The following TRMT9B variants were observed in gnomAD, a reference collection of about 807,000 sequenced individuals.
The protein encoded by TRMT9B is probable tRNA methyltransferase 9B.
A neutral mutation model predicts 11.5 loss-of-function variants in TRMT9B; 16 were observed. The observed-to-expected ratio is 1.39, with a 90% CI of 0.94 to 2.11. The LOEUF (loss-of-function observed/expected upper bound fraction) is 2.11. Among genes scored for constraint, TRMT9B ranks in the 30% most tolerant of loss-of-function variants. The pLI is 0.00. For synonymous variants in TRMT9B, 274 were observed against 192.4 expected (o/e 1.42, Z -3.51); for missense variants, 941 against 553.8 (o/e 1.70, Z -7.02).
chr8:12,972,619 A>C (rs909638267), intron 1 of TRMT9B, among the ~76,000 whole-genome samples: 1 of 152,030 alleles, frequency 6.6e-6, no homozygotes, highest in African/African-American at 2.4e-5. Context: ...CACTTAGTAA[A>C]CTAGCAGTGC....
intron 1 of TRMT9B, among the ~76,000 whole-genome samples, chr8:12,972,389 G>A (rs1803771427): frequency 6.6e-6 from 1 of 152,170 alleles, no homozygotes; most frequent in Non-Finnish European, 1.5e-5. Flanking sequence ...AGACTTGCTT[G>A]TGGGCGAGGT....
At chr8:12,963,173 C>G (rs1802360882) in intron 1 of TRMT9B, among the ~76,000 whole-genome samples, 1 of 152,190 alleles carries the variant, frequency 6.6e-6, no homozygotes. Context: ...GTGGCTCACT[C>G]CTGTAATCCC....
chr8:13,005,342 A>T (rs146372302), intron 2 of TRMT9B, among the ~76,000 whole-genome samples: 18 of 152,296 alleles, frequency 1.2e-4, no homozygotes, highest in African/African-American at 4.1e-4. Flanking sequence ...GGGTACAAAA[A>T]ACAGAATAAG....
In TRMT9B at chr8:13,018,842, A is replaced by G. The variant is rs1813292490; in HGVS notation, c.329-2166A>G. On this transcript the variant is annotated intron_variant, in intron 4 of 4. Transcript: ENST00000524591. ...CATCACAGTCTTCCAAGGCTTAGAA[A>G]CACTAAATAATACCTCAACACTATG... 2.0e-5 allele frequency among the ~76,000 whole-genome samples: 3 copies of G among 147,128 alleles called. No homozygotes were observed. In the South Asian group the frequency reaches 6.4e-4, roughly 31 times the overall value.
At chr8:12,961,007 G>T (rs938757758) in intron 1 of TRMT9B, among the ~76,000 whole-genome samples, 1 of 152,134 alleles carries the variant, frequency 6.6e-6, no homozygotes, top group Admixed American at 6.5e-5. Flanking sequence ...TGGGCGTGAT[G>T]GTGCGTGCCT....
At chr8:12,955,723 A>G (rs1393209994) in intron 1 of TRMT9B, among the ~76,000 whole-genome samples, 1 of 152,154 alleles carries the variant, frequency 6.6e-6, no homozygotes, top group Non-Finnish European at 1.5e-5. Context: ...AAACTATCCT[A>G]ACTATTTCGA....
At chr8:12,953,137 C>G (rs966291922) in intron 1 of TRMT9B, among the ~76,000 whole-genome samples, 7 of 152,110 alleles carry the variant, frequency 4.6e-5, no homozygotes, top group African/African-American at 9.7e-5. Context: ...ACTTGCAGAG[C>G]TTTATGTTAG....
At chr8:13,006,075 A>T in intron 2 of TRMT9B, 127 bp from the exon 3 acceptor site, 1 of 823,018 alleles carries the variant, frequency 1.2e-6, no homozygotes, top group Non-Finnish European at 1.9e-6. Context: ...GCAGCTTATA[A>T]GAAAGTGTGC....
At chr8:12,986,576 T>C (rs959822458) in intron 1 of TRMT9B, among the ~76,000 whole-genome samples, 11 of 152,358 alleles carry the variant, frequency 7.2e-5, no homozygotes, top group Admixed American at 2.6e-4. Flanking sequence ...ACATCTTAAG[T>C]AAACTAATTT....
At position 13,021,223 on chromosome 8, in the gene TRMT9B, G is replaced by A. The variant is rs201745937; in HGVS notation, c.544G>A (p.Gly182Arg). The change falls in exon 5 of 5, where the codon GGA becomes AGA. Residue 182 changes from glycine (G) to arginine (R), a missense_variant. Coordinates refer to ENST00000524591, the MANE Select transcript of TRMT9B (RefSeq NM_020844.3). ...SSQSGRKRQC[G>R]YPERGHPYHP... is the part of the protein sequence containing the mutation. ...CCAGTCTGGGAGGAAGAGGCAGTGT[G>A]GATACCCAGAAAGAGGCCATCCCTA... 7.4e-5 allele frequency: 119 copies of A among 1,613,852 alleles called. 1 individual carries two copies. In the African/African-American group the frequency reaches 1.3e-3, roughly 17 times the overall value.
chr8:13,016,632 T>C (rs972338940), intron 4 of TRMT9B, among the ~76,000 whole-genome samples: 11 of 151,654 alleles, frequency 7.3e-5, no homozygotes, highest in Non-Finnish European at 1.6e-4. Context: ...AAAGAAATAT[T>C]GTTGTACTTA....
At chr8:13,018,412 A>G (rs1481153140) in intron 4 of TRMT9B, among the ~76,000 whole-genome samples, 4 of 139,108 alleles carry the variant, frequency 2.9e-5, no homozygotes, top group Non-Finnish European at 6.3e-5. Context: ...AAAAAAAACG[A>G]CAACAAAGAA....
intron 3 of TRMT9B, chr8:13,010,456 G>C: frequency 1.0e-6 from 1 of 985,042 alleles, no homozygotes; most frequent in Non-Finnish European, 1.2e-6. Context: ...CTTAGCTAAA[G>C]TCATCAGCTG....
chr8:13,011,838 C>T (rs2128894324), intron 3 of TRMT9B: 1 of 967,540 alleles, frequency 1.0e-6, no homozygotes, highest in Non-Finnish European at 1.2e-6. Context: ...TGGATAAAAA[C>T]AATGTTAAAA....
At chr8:12,952,387 C>T (rs1800745406) in intron 1 of TRMT9B, 2 of 307,838 alleles carry the variant, frequency 6.5e-6, no homozygotes, top group Middle Eastern at 6.6e-4. Flanking sequence ...CCTGCCTTTC[C>T]AGTAGCCCGG....
At chr8:12,964,484 A>G (rs1802556190) in intron 1 of TRMT9B, among the ~76,000 whole-genome samples, 1 of 152,110 alleles carries the variant, frequency 6.6e-6, no homozygotes, top group Admixed American at 6.5e-5. Flanking sequence ...TTTGTTTTTT[A>G]CTTTTAAAGC....
rs1810500336 is a variant in TRMT9B, at chr8:13,006,486, G to A, written c.154+130G>A. The A allele has an allele frequency of 2.6e-6, 4 of 1,523,850 alleles. No individual in the cohort carries two copies. The South Asian group carries it at 5.2e-5, about 20-fold the overall frequency. The allele number at this position is 1,523,850 out of a possible 1,614,324, so 94.4% of individuals were successfully genotyped here. A position where few individuals can be genotyped will look rare whatever the true frequency, so the allele number is the denominator to read the frequency against. On this transcript the variant is annotated intron_variant, in intron 3 of 4. Coordinates refer to ENST00000524591, the MANE Select transcript of TRMT9B (RefSeq NM_020844.3). The stretch of plus-strand genomic sequence containing the variant: ...TTGCTGTCATAGGTAACCCAGCACT[G>A]GGCCGTGTAGCATGAAATACCTTCC...
chr8:13,024,070 G>C lies in TRMT9B; in HGVS notation c.*2026G>C, dbSNP rs1484131181. On this transcript the variant is annotated 3_prime_UTR_variant, in exon 5 of 5. Coordinates refer to ENST00000524591, the MANE Select transcript of TRMT9B (RefSeq NM_020844.3). Reference sequence around the variant, plus strand: ...TTTTTTTTTTTTTTTTTGAGACAGAGTCTCGCTCTGTCGCCCAGGCTGGAG... The same window carrying C: ...TTTTTTTTTTTTTTTTTGAGACAGACTCTCGCTCTGTCGCCCAGGCTGGAG... 8.4e-6 allele frequency: 1 copy of C among 119,224 alleles called. No homozygotes were observed. The highest frequency in any genetic ancestry group is 3.1e-5 in the African/African-American group (1 of 31,754). The allele number at this position is 119,224 out of a possible 1,614,324, so 7.4% of individuals were successfully genotyped here. A position where few individuals can be genotyped will look rare whatever the true frequency, so the allele number is the denominator to read the frequency against.
intron 1 of TRMT9B, among the ~76,000 whole-genome samples, chr8:12,969,140 G>C (rs533597204): frequency 6.6e-6 from 1 of 152,164 alleles, no homozygotes; most frequent in Non-Finnish European, 1.5e-5. Flanking sequence ...TTGGAAGGTG[G>C]AGATTGCAGT....
Sources: allele counts gnomAD v4.1 joint callset (sites outside exome capture counted in the v4.1 genomes callset), GRCh38; gene constraint gnomAD v4.1.1; transcripts MANE v1.5; gene names NCBI Gene and HGNC (gene_info 2026-07-23, HGNC 2026-07-21).